The following ATXN2 variants were observed in gnomAD, a reference collection of about 807,000 sequenced individuals.
The protein encoded by ATXN2 is ataxin-2.
A neutral mutation model predicts 138.6 loss-of-function variants in ATXN2; 37 were observed. The observed-to-expected ratio is 0.27, with a 90% CI of 0.21 to 0.35. The LOEUF (loss-of-function observed/expected upper bound fraction) is 0.35, where lower values mean the gene tolerates loss of function less well. Ranked by LOEUF, ATXN2 falls within the 10% of genes least tolerant of loss-of-function variation. The pLI is 1.00. For missense variants in ATXN2, 1,216 were observed against 1,480.3 expected (o/e 0.82, Z 2.93); for synonymous variants, 549 against 543.7 (o/e 1.01, Z -0.13).
intron 1 of ATXN2, among the ~76,000 whole-genome samples, chr12:111,576,388 T>C (rs960322479): frequency 2.0e-5 from 3 of 152,032 alleles, no homozygotes; most frequent in African/African-American, 2.4e-5. Context: ...TGAGCTAAGA[T>C]TGCGCCACTG....
intron 5 of ATXN2, among the ~76,000 whole-genome samples, chr12:111,534,162 A>G (rs965920679): frequency 6.6e-6 from 1 of 151,642 alleles, no homozygotes; most frequent in African/African-American, 2.4e-5. Flanking sequence ...ACACTTGGGA[A>G]GCCAAGGCAG....
chr12:111,531,205 G>A (rs1374719565), intron 5 of ATXN2, among the ~76,000 whole-genome samples: 1 of 152,050 alleles, frequency 6.6e-6, no homozygotes, highest in African/African-American at 2.4e-5. Flanking sequence ...ATGAGGTCAA[G>A]AGATCGAGAC....
chr12:111,465,905 C>A (rs557293088), intron 20 of ATXN2, among the ~76,000 whole-genome samples: 1 of 151,318 alleles, frequency 6.6e-6, no homozygotes, highest in Non-Finnish European at 1.5e-5. Context: ...GTGGCTCACG[C>A]CTGTAATCCC....
chr12:111,521,771 G>C (rs768379715), intron 6 of ATXN2, among the ~76,000 whole-genome samples: 82 of 152,134 alleles, frequency 5.4e-4, no homozygotes, highest in African/African-American at 5.3e-4. Context: ...TTTTTGGTGG[G>C]GGGGAGCCAG....
chr12:111,529,180 GA>G (rs1880669720), intron 5 of ATXN2, among the ~76,000 whole-genome samples: 1 of 151,876 alleles, frequency 6.6e-6, no homozygotes, highest in African/African-American at 2.4e-5. Flanking sequence ...TTGTAACCAG[GA>G]TTCCTGCAAA....
At chr12:111,456,391 T>G in intron 22 of ATXN2, 135 bp from the exon 23 acceptor site, 1 of 911,866 alleles carries the variant, frequency 1.1e-6, no homozygotes, top group East Asian at 2.6e-5. Flanking sequence ...ATGTACAGGG[T>G]GGTAAGAGCA....
At chr12:111,467,790 G>T (rs1876126753) in intron 20 of ATXN2, among the ~76,000 whole-genome samples, 1 of 152,168 alleles carries the variant, frequency 6.6e-6, no homozygotes, top group African/African-American at 2.4e-5. Flanking sequence ...CTAGGAAGTA[G>T]TTATGAAAAT....
intron 5 of ATXN2, among the ~76,000 whole-genome samples, chr12:111,537,051 G>A: frequency 6.6e-6 from 1 of 151,868 alleles, no homozygotes; most frequent in East Asian, 1.9e-4. Flanking sequence ...CCAAAGTGCT[G>A]GGATTACAGA....
chr12:111,597,404 C>T (rs936200546), intron 1 of ATXN2, among the ~76,000 whole-genome samples: 7 of 152,236 alleles, frequency 4.6e-5, no homozygotes, highest in Non-Finnish European at 5.9e-5. Context: ...CGCCGTCAAG[C>T]CGGCGGCCTA....
Position 111,556,923 on chromosome 12 carries a change from C to A in ATXN2, c.252-1004G>T, listed in dbSNP as rs117401050. Among the ~76,000 whole-genome samples the A allele has an allele frequency of 3.3e-4, 50 of 151,648 alleles. No homozygotes were observed. In the East Asian group the frequency reaches 7.4e-3, roughly 22 times the overall value. ...AGCACTTTCATTTCTAAATAATATG[C>A]GTCTATATGTGTGGATCGTTGTAAC... On this transcript the variant is annotated intron_variant, in intron 1 of 24. Transcript: ENST00000673436.
At chr12:111,548,581 A>G (rs750181263) in intron 5 of ATXN2, among the ~76,000 whole-genome samples, 1 of 152,244 alleles carries the variant, frequency 6.6e-6, no homozygotes, top group Non-Finnish European at 1.5e-5. Flanking sequence ...ATACAATGTC[A>G]TATTAGTATA....
At chr12:111,472,483 C>G (rs1876485386) in intron 18 of ATXN2, among the ~76,000 whole-genome samples, 1 of 151,946 alleles carries the variant, frequency 6.6e-6, no homozygotes, top group African/African-American at 2.4e-5. Context: ...AAGAGAAGTC[C>G]CTGGGTTACA....
chr12:111,455,708 T>C (rs781419850), intron 23 of ATXN2: 7 of 429,010 alleles, frequency 1.6e-5, no homozygotes, highest in South Asian at 4.3e-5. Flanking sequence ...TGTACACATA[T>C]ATATAGTAGT....
At chr12:111,473,764 GAAA>G (rs10710242) in intron 18 of ATXN2, among the ~76,000 whole-genome samples, 15,331 of 139,914 alleles carry the variant, frequency 0.11, 2,608 homozygotes, top group African/African-American at 0.36. Flanking sequence ...AAACATTGGG[GAAA>G]AAAAAAAAAA....
At chr12:111,472,144 A>G (rs923296764) in intron 18 of ATXN2, among the ~76,000 whole-genome samples, 11 of 152,088 alleles carry the variant, frequency 7.2e-5, no homozygotes, top group African/African-American at 2.4e-4. Flanking sequence ...CTGTGCATCT[A>G]TGGTCCCAGC....
chr12:111,554,295 G>C (rs1475378009), intron 2 of ATXN2, 78 bp from the exon 3 acceptor site: 2 of 1,060,460 alleles, frequency 1.9e-6, no homozygotes, highest in African/African-American at 1.7e-5. Flanking sequence ...CTTGGGACCA[G>C]AAGTATTTTA....
At chr12:111,570,118 T>C (rs958937907) in intron 1 of ATXN2, among the ~76,000 whole-genome samples, 25 of 152,302 alleles carry the variant, frequency 1.6e-4, no homozygotes, top group African/African-American at 5.5e-4. Flanking sequence ...TCCCATCTTC[T>C]CGAGTTCTCC....
chr12:111,502,282 T>C (rs898802885), intron 14 of ATXN2, among the ~76,000 whole-genome samples: 4 of 152,208 alleles, frequency 2.6e-5, no homozygotes, highest in East Asian at 1.9e-4. Flanking sequence ...ATCTTACAAA[T>C]AGCAAGTCCA....
intron 20 of ATXN2, among the ~76,000 whole-genome samples, chr12:111,467,710 A>G (rs1388825180): frequency 6.6e-6 from 1 of 152,172 alleles, no homozygotes; most frequent in African/African-American, 2.4e-5. Flanking sequence ...TGTTTGCAAC[A>G]TTTCCTATTT....
Sources: allele counts gnomAD v4.1 joint callset (sites outside exome capture counted in the v4.1 genomes callset), GRCh38; gene constraint gnomAD v4.1.1; transcripts MANE v1.5; gene names NCBI Gene and HGNC (gene_info 2026-07-23, HGNC 2026-07-21).